Variants in PCDHGB3 observed in about 807,000 individuals in gnomAD.
PCDHGB3 encodes the protein protocadherin gamma subfamily B, 3, also known as protocadherin gamma-B3.
A neutral mutation model predicts 59.2 loss-of-function variants in PCDHGB3; 40 were observed. The ratio of observed to expected loss-of-function variants is 0.68; its 90% CI spans 0.52 to 0.88. PCDHGB3 has a LOEUF of 0.88. PCDHGB3 is among the 40% of genes least tolerant of loss of function. PCDHGB3 has a pLI of 0.00. For synonymous variants in PCDHGB3, 581 were observed against 503.6 expected (o/e 1.15, Z -2.06); for missense variants, 1,309 against 1,187.9 (o/e 1.10, Z -1.50).
chr5:141,439,904 C>T (rs1175032042), intron 1 of PCDHGB3: 2 of 152,364 alleles, frequency 1.3e-5, no homozygotes, highest in East Asian at 1.9e-4. Context: ...GCGACTACTG[C>T]CTCCTTTCCT....
Position 141,490,972 on chromosome 5 carries a change from C to G in PCDHGB3, c.2416-3835C>G. 6.2e-7 allele frequency: 1 copy of G among 1,613,912 alleles called. No homozygotes were observed. Among genetic ancestry groups the G allele is most frequent in the Non-Finnish European group, 8.5e-7 (1 of 1,179,922 alleles). Reference sequence around the variant, plus strand: ...AGACTGGGAACACTCAGCCCCCCAGCGTCTCCCTCGCTCTGCTCCTCCTGG... The same window carrying G: ...AGACTGGGAACACTCAGCCCCCCAGGGTCTCCCTCGCTCTGCTCCTCCTGG... On this transcript the variant is annotated intron_variant, in intron 1 of 3. Coordinates refer to ENST00000576222, the MANE Select transcript of PCDHGB3 (RefSeq NM_018924.5). The surrounding 1 kb of genome is among the most constrained non-coding windows in gnomAD (Gnocchi z 5.4).
At chr5:141,423,346 G>T in intron 1 of PCDHGB3, 1 of 1,614,214 alleles carries the variant, frequency 6.2e-7, no homozygotes, top group South Asian at 1.1e-5. Context: ...CATCTTCCTG[G>T]TCTTTGTCAT....
At position 141,384,635 on chromosome 5, in the gene PCDHGB3, C is replaced by G. The variant is rs752480661; in HGVS notation, c.2415+11826C>G. On this transcript the variant is annotated intron_variant, in intron 1 of 3. Coordinates refer to ENST00000576222, the MANE Select transcript of PCDHGB3 (RefSeq NM_018924.5). The stretch of plus-strand genomic sequence containing the variant: ...GGTTCTACTGGCATGGAGCTGGCAC[C>G]CCGCTCCGCAGAGCCCGGCTACCTG... The G allele has an allele frequency of 1.9e-6, 3 of 1,614,214 alleles. No individual in the cohort carries two copies. The East Asian group carries it at 6.7e-5, about 36-fold the overall frequency.
Position 141,375,571 on chromosome 5 carries a change from C to T in PCDHGB3, c.2415+2762C>T, listed in dbSNP as rs760580799. On this transcript the variant is annotated intron_variant, in intron 1 of 3. Coordinates refer to ENST00000576222, the MANE Select transcript of PCDHGB3 (RefSeq NM_018924.5). Reference sequence around the variant, plus strand: ...CCTACTCACTGGCAGAAGACACCCTCCAGGGGGCGCCCCTGTCCTCCTACG... The same window carrying T: ...CCTACTCACTGGCAGAAGACACCCTTCAGGGGGCGCCCCTGTCCTCCTACG... 15 of 1,613,962 alleles carry T rather than the reference C, an allele frequency of 9.3e-6. No individual in the cohort carries two copies. In the Admixed American group the frequency reaches 2.3e-4, roughly 25 times the overall value.
intron 2 of PCDHGB3, among the ~76,000 whole-genome samples, chr5:141,502,866 C>CTTTTTT (rs549047197): frequency 2.0e-4 from 26 of 128,026 alleles, no homozygotes; most frequent in African/African-American, 6.2e-4. Flanking sequence ...GACTCTCTGT[C>CTTTTTT]TTTTTTTTTT....
Position 141,486,989 on chromosome 5 carries a change from G to A in PCDHGB3, c.2416-7818G>A. 1.9e-6 allele frequency: 3 copies of A among 1,614,168 alleles called. No individual in the cohort carries two copies. Among genetic ancestry groups the A allele is most frequent in the Non-Finnish European group, 2.5e-6 (3 of 1,180,034 alleles). On this transcript the variant is annotated intron_variant, in intron 1 of 3. Transcript: ENST00000576222. This position sits in a 1 kb window ranked among gnomAD's most constrained non-coding sequence, Gnocchi z 5.0. ...CTTGGATTCAGGTTACAATGCTTGG[G>A]TTTCCTATCAGCTCCTGGAGGCCCC...
chr5:141,393,708 G>A, intron 1 of PCDHGB3: 2 of 1,613,788 alleles, frequency 1.2e-6, no homozygotes, highest in South Asian at 1.1e-5. Context: ...TGAAAATACT[G>A]GGGAAATATC....
intron 1 of PCDHGB3, among the ~76,000 whole-genome samples, chr5:141,482,127 T>C (rs2099553382): frequency 6.6e-6 from 1 of 151,774 alleles, no homozygotes; most frequent in African/African-American, 2.4e-5. Flanking sequence ...GGGAGAATCA[T>C]ATGGCTGGCA....
At position 141,438,276 on chromosome 5, in the gene PCDHGB3, ATAATT is replaced by A. The variant is rs533892835; in HGVS notation, c.2416-56526_2416-56522del. ...TGAAGAGACCATAGAATCAAACAAA[ATAATT>A]TAATCTGTATGTAAAAGAAGTTGGT... On this transcript the variant is annotated intron_variant, in intron 1 of 3. Coordinates refer to ENST00000576222, the MANE Select transcript of PCDHGB3 (RefSeq NM_018924.5). 1.4e-3 allele frequency among the ~76,000 whole-genome samples: 213 copies of A among 152,246 alleles called. 1 individual carries two copies. The highest frequency in any genetic ancestry group is 4.8e-3 in the African/African-American group (199 of 41,534).
chr5:141,511,486 TC>T lies in PCDHGB3; in HGVS notation c.*315del. The T allele has an allele frequency of 2.2e-6, 1 of 449,906 alleles. No homozygotes were observed. 27.9% of individuals were successfully genotyped at this position (449,906 alleles called of 1,614,324 possible). A position where few individuals can be genotyped will look rare whatever the true frequency, so the allele number is the denominator to read the frequency against. On this transcript the variant is annotated 3_prime_UTR_variant, in exon 4 of 4. Transcript: ENST00000576222. ...CCCCGTTTAGTTACAGCTGAACTCC[TC>T]CATCTTCCAAATCAATCAGGCCCAT...
chr5:141,450,470 A>AGTTT (rs199699353), intron 1 of PCDHGB3, among the ~76,000 whole-genome samples: 2,037 of 151,800 alleles, frequency 0.013, 39 homozygotes, highest in African/African-American at 0.044. Flanking sequence ...TTATATATAG[A>AGTTT]GTTTGTTTGT....
At chr5:141,481,913 CAAA>C (rs34114744) in intron 1 of PCDHGB3, among the ~76,000 whole-genome samples, 50 of 90,788 alleles carry the variant, frequency 5.5e-4, no homozygotes, top group African/African-American at 7.1e-4. Flanking sequence ...AACTCCATCT[CAAA>C]AAAAAAAAAA....
At chr5:141,469,552 C>T (rs956606902) in intron 1 of PCDHGB3, among the ~76,000 whole-genome samples, 3 of 151,910 alleles carry the variant, frequency 2.0e-5, no homozygotes, top group Non-Finnish European at 4.4e-5. Flanking sequence ...TCCAGCCTGG[C>T]GACAGAGTGA....
At chr5:141,445,257 A>G (rs1253126709) in intron 1 of PCDHGB3, among the ~76,000 whole-genome samples, 3 of 152,152 alleles carry the variant, frequency 2.0e-5, no homozygotes, top group African/African-American at 2.4e-5. Context: ...GTGTGAGAAT[A>G]TAAGTCGAAA....
intron 1 of PCDHGB3, among the ~76,000 whole-genome samples, chr5:141,474,312 T>G (rs1358237994): frequency 6.6e-6 from 1 of 152,228 alleles, no homozygotes; most frequent in African/African-American, 2.4e-5. Flanking sequence ...AACTTTAATG[T>G]GTTTTCAAAT....
At chr5:141,433,869 T>C (rs1293077938) in intron 1 of PCDHGB3, among the ~76,000 whole-genome samples, 8 of 151,960 alleles carry the variant, frequency 5.3e-5, no homozygotes, top group Non-Finnish European at 7.4e-5. Flanking sequence ...TATCCTCTAG[T>C]TTCATCCATT....
chr5:141,410,437 G>C, intron 1 of PCDHGB3: 1 of 1,614,040 alleles, frequency 6.2e-7, no homozygotes, highest in Non-Finnish European at 8.5e-7. Context: ...ACTACAGTGA[G>C]GGGACTTTGC....
rs114918874 is a variant in PCDHGB3 at position 141,487,585 on chromosome 5, C to T, written c.2416-7222C>T. On this transcript the variant is annotated intron_variant, in intron 1 of 3. Transcript: ENST00000576222. This position sits in a 1 kb window ranked among gnomAD's most constrained non-coding sequence, Gnocchi z 5.0. Reference sequence around the variant, plus strand: ...CAGGGGAGCCTGTTCGCCCAAGCTGCCCACCCTCTGATCTTCTCTATGGGC... The same window carrying T: ...CAGGGGAGCCTGTTCGCCCAAGCTGTCCACCCTCTGATCTTCTCTATGGGC... 7,902 of 1,614,160 alleles carry T rather than the reference C, an allele frequency of 4.9e-3. 42 individuals are homozygous for T. The highest frequency in any genetic ancestry group is 8.8e-3 in the Admixed American group (531 of 60,020).
intron 1 of PCDHGB3, chr5:141,419,183 A>G (rs1453963573): frequency 1.9e-6 from 3 of 1,613,958 alleles, no homozygotes; most frequent in Non-Finnish European, 1.7e-6. Context: ...AACCCTGCAC[A>G]TTACTGACGT....
Sources: gnomAD v4.1 joint callset for allele counts (sites outside exome capture counted in the v4.1 genomes callset) on GRCh38, gnomAD v4.1.1 for gene constraint, Gnocchi (gnomAD v3.1) non-coding constraint, MANE v1.5 for transcripts, NCBI Gene and HGNC (gene_info 2026-07-23, HGNC 2026-07-21) for gene names.